PCDHA1: variants seen among roughly 807,000 people sequenced by gnomAD.
PCDHA1 encodes the protein protocadherin alpha-1.
Under a neutral mutation model 61.3 loss-of-function variants are expected in PCDHA1, and 42 were observed. That is an observed-to-expected ratio of 0.69 (90% CI 0.54 to 0.89). The LOEUF (loss-of-function observed/expected upper bound fraction) is 0.89. Among genes scored for constraint, PCDHA1 ranks in the 40% least tolerant of loss-of-function variants. PCDHA1 has a pLI of 0.00. For missense variants in PCDHA1, 1,256 were observed against 1,235.3 expected (o/e 1.02, Z -0.25); for synonymous variants, 610 against 553.8 (o/e 1.10, Z -1.43).
At chr5:141,006,058 G>T (rs1002161598) in intron 3 of PCDHA1, among the ~76,000 whole-genome samples, 2 of 149,786 alleles carry the variant, frequency 1.3e-5, no homozygotes, top group Non-Finnish European at 3.0e-5. Flanking sequence ...GAGTGGAGAA[G>T]AAATAAAAAT....
chr5:140,863,307 C>T (rs782595794), intron 1 of PCDHA1: 9 of 1,462,494 alleles, frequency 6.2e-6, no homozygotes, highest in Non-Finnish European at 6.5e-6. Context: ...TCGCCATCTG[C>T]GTGGTGTCCA....
rs35184029 is a variant in PCDHA1 at position 140,997,668 on chromosome 5, TTGTGTG to T, written c.2543-11935_2543-11930del. Among the ~76,000 whole-genome samples the T allele has an allele frequency of 3.7e-4, 55 of 148,336 alleles. 1 individual carries two copies. The South Asian group carries it at 5.8e-3, about 16-fold the overall frequency. On this transcript the variant is annotated intron_variant, in intron 3 of 3. Coordinates refer to ENST00000504120, the MANE Select transcript of PCDHA1 (RefSeq NM_018900.4). ...AATGCAATATGTATTATTATACAGC[TTGTGTG>T]TGTGTGTGTGTGTGTGTGTGTGTAT...
chr5:140,862,977 T>A, intron 1 of PCDHA1: 1 of 545,432 alleles, frequency 1.8e-6, no homozygotes, highest in East Asian at 4.8e-5. Context: ...GGCCACTTGG[T>A]GGCGAAGGTG....
chr5:140,822,228 T>G, intron 1 of PCDHA1: 2 of 1,614,254 alleles, frequency 1.2e-6, no homozygotes, highest in Non-Finnish European at 8.5e-7. Flanking sequence ...ATTCGCGGTT[T>G]CCGCTAGAGG....
At chr5:140,917,014 T>C (rs1272670553) in intron 1 of PCDHA1, among the ~76,000 whole-genome samples, 1 of 152,168 alleles carries the variant, frequency 6.6e-6, no homozygotes, top group Non-Finnish European at 1.5e-5. Context: ...TCTCCCTTCA[T>C]GTGCAGCTGC....
intron 1 of PCDHA1, among the ~76,000 whole-genome samples, chr5:140,896,874 A>G (rs1009285499): frequency 1.3e-5 from 2 of 152,102 alleles, no homozygotes; most frequent in Non-Finnish European, 2.9e-5. Flanking sequence ...GTACATATTT[A>G]TGGGGTATAT....
chr5:140,917,323 G>C (rs1363512198), intron 1 of PCDHA1, among the ~76,000 whole-genome samples: 1 of 147,758 alleles, frequency 6.8e-6, no homozygotes, highest in African/African-American at 2.5e-5. Context: ...TGTTCATGTG[G>C]CGGGGGAGGG....
At chr5:140,808,252 A>T in intron 1 of PCDHA1, 2 of 1,614,232 alleles carry the variant, frequency 1.2e-6, no homozygotes, top group Non-Finnish European at 1.7e-6. Context: ...TCAAGTCTTT[A>T]TCACTTCCAA....
Position 140,845,338 on chromosome 5 carries a change from C to T in PCDHA1, c.2394+56654C>T, listed in dbSNP as rs1446184837. Among the ~76,000 whole-genome samples the T allele has an allele frequency of 1.2e-4, 18 of 149,418 alleles. 2 individuals carry two copies. The highest frequency in any genetic ancestry group is 4.4e-4 in the African/African-American group (18 of 40,812). ...GTATTACTTTAATTACTGAATTCTCCTAAACATTTAATTGACTTTTACAAA... is the reference window on the plus strand; with the variant it reads ...GTATTACTTTAATTACTGAATTCTCTTAAACATTTAATTGACTTTTACAAA... On this transcript the variant is annotated intron_variant, in intron 1 of 3. Coordinates refer to ENST00000504120, the MANE Select transcript of PCDHA1 (RefSeq NM_018900.4).
intron 1 of PCDHA1, chr5:140,805,148 A>G: frequency 6.4e-7 from 1 of 1,564,848 alleles, no homozygotes; most frequent in Middle Eastern, 1.7e-4. Flanking sequence ...AGACTTTGGA[A>G]TTTTCACTTC....
chr5:141,006,351 A>G (rs537027677), intron 3 of PCDHA1, among the ~76,000 whole-genome samples: 1 of 151,966 alleles, frequency 6.6e-6, no homozygotes, highest in Non-Finnish European at 1.5e-5. Flanking sequence ...AGCTGGGACT[A>G]TAGGCGCCCA....
intron 1 of PCDHA1, among the ~76,000 whole-genome samples, chr5:140,941,239 C>CTTTCTTTCT (rs2092936825): frequency 7.4e-6 from 1 of 134,500 alleles, no homozygotes; most frequent in South Asian, 2.4e-4. Context: ...TTCTTTCTTT[C>CTTTCTTTCT]TTTCTTTCTT....
intron 1 of PCDHA1, among the ~76,000 whole-genome samples, chr5:140,890,607 T>A (rs2062708566): frequency 6.6e-6 from 1 of 152,184 alleles, no homozygotes; most frequent in Non-Finnish European, 1.5e-5. Context: ...GAATAGCTAG[T>A]GCTTACCCTA....
chr5:140,981,685 C>G lies in PCDHA1; in HGVS notation c.2454-790C>G, dbSNP rs369964011. 6.6e-4 allele frequency among the ~76,000 whole-genome samples: 101 copies of G among 152,166 alleles called. No individual in the cohort carries two copies. In the South Asian group the frequency reaches 0.018, roughly 27 times the overall value. ...TCCTTCCTTTCTTCCTTCCTCCCTT[C>G]CATCATTCATTCATTCATTCATTCA... On this transcript the variant is annotated intron_variant, in intron 2 of 3. Transcript: ENST00000504120.
intron 1 of PCDHA1, chr5:140,828,701 G>A (rs1769895865): frequency 1.2e-6 from 2 of 1,614,104 alleles, no homozygotes. Context: ...GGACAGAGAG[G>A]AAGCTCCTGC....
intron 1 of PCDHA1, among the ~76,000 whole-genome samples, chr5:140,972,527 C>A (rs1173109086): frequency 6.6e-6 from 1 of 152,092 alleles, no homozygotes; most frequent in Non-Finnish European, 1.5e-5. Flanking sequence ...GAGCTTATTT[C>A]ATAAATCACT....
chr5:140,878,001 T>C (rs2057434893), intron 1 of PCDHA1: 6 of 1,018,808 alleles, frequency 5.9e-6, no homozygotes, highest in South Asian at 4.4e-5. Flanking sequence ...TATGTATTTG[T>C]CTAACATTAA....
intron 1 of PCDHA1, chr5:140,808,329 T>C: frequency 6.2e-7 from 1 of 1,614,258 alleles, no homozygotes; most frequent in Non-Finnish European, 8.5e-7. Flanking sequence ...GACATGGGTG[T>C]CAATGGGCTG....
At chr5:140,876,510 T>C in intron 1 of PCDHA1, 1 of 1,614,038 alleles carries the variant, frequency 6.2e-7, no homozygotes, top group Non-Finnish European at 8.5e-7. Flanking sequence ...TGAATGACAA[T>C]GTCCCTGAAG....
Sources: allele counts gnomAD v4.1 joint callset (sites outside exome capture counted in the v4.1 genomes callset), GRCh38; gene constraint gnomAD v4.1.1; transcripts MANE v1.5; gene names NCBI Gene and HGNC (gene_info 2026-07-23, HGNC 2026-07-21).